The following KIFAP3 variants were observed in gnomAD, a reference collection of about 807,000 sequenced individuals.
KIFAP3 encodes kinesin associated protein 3.
Under a neutral mutation model 106.5 loss-of-function variants are expected in KIFAP3, and 68 were observed. The observed-to-expected ratio is 0.64, with a 90% CI of 0.53 to 0.78. The LOEUF (loss-of-function observed/expected upper bound fraction) is 0.78. Among genes scored for constraint, KIFAP3 ranks in the 30% least tolerant of loss-of-function variants. KIFAP3 has a pLI of 0.00. For synonymous variants in KIFAP3, 320 were observed against 311.5 expected, an observed-to-expected ratio of 1.03 and a Z score of -0.29; for missense variants, 780 against 941.8, an observed-to-expected ratio of 0.83 and a Z score of 2.25.
intron 1 of KIFAP3, among the ~76,000 whole-genome samples, chr1:170,072,790 A>G (rs1671764215): frequency 2.6e-5 from 4 of 152,220 alleles, no homozygotes; most frequent in African/African-American, 9.6e-5. Context: ...AGGCCTGTAT[A>G]AATACATGTC....
chr1:170,021,434 G>GTTTTTTT (rs746455008), intron 9 of KIFAP3, among the ~76,000 whole-genome samples: 7 of 113,764 alleles, frequency 6.2e-5, no homozygotes, highest in Non-Finnish European at 1.1e-4. Context: ...TTGTTATTAA[G>GTTTTTTT]TTTTTTTTTT....
At chr1:170,074,874 A>C, upstream of KIFAP3, 2 of 498,126 alleles carry the variant, frequency 4.0e-6, no homozygotes, top group Non-Finnish European at 5.6e-6. Context: ...GAGGATGGGA[A>C]TAGAAAGGGC....
intron 8 of KIFAP3, among the ~76,000 whole-genome samples, chr1:170,027,706 G>A (rs553514578): frequency 3.6e-4 from 55 of 152,138 alleles, no homozygotes; most frequent in African/African-American, 1.3e-3. Context: ...GAACAACTTC[G>A]AGTGGCCTAA....
At chr1:170,028,112 ATAAT>A (rs910586136) in intron 8 of KIFAP3, among the ~76,000 whole-genome samples, 1 of 152,132 alleles carries the variant, frequency 6.6e-6, no homozygotes, top group African/African-American at 2.4e-5. Context: ...CACACAAAAG[ATAAT>A]TAACCACTGG....
intron 17 of KIFAP3, among the ~76,000 whole-genome samples, chr1:169,969,789 T>C (rs1243222005): frequency 2.0e-5 from 3 of 152,010 alleles, no homozygotes; most frequent in African/African-American, 7.2e-5. Context: ...GTAGTAGTAC[T>C]GCTTCTGGAA....
chr1:169,975,962 G>A (rs752180932), intron 16 of KIFAP3, among the ~76,000 whole-genome samples: 29 of 152,072 alleles, frequency 1.9e-4, no homozygotes, highest in Non-Finnish European at 4.0e-4. Context: ...CAGATTTAGT[G>A]ACATAAAACA....
At chr1:169,989,682 C>G (rs1439091597) in intron 11 of KIFAP3, among the ~76,000 whole-genome samples, 3 of 152,004 alleles carry the variant, frequency 2.0e-5, no homozygotes, top group Non-Finnish European at 2.9e-5. Flanking sequence ...GCTGTATATT[C>G]TTTCAGGGAT....
chr1:170,052,815 A>G (rs780908534), intron 2 of KIFAP3, among the ~76,000 whole-genome samples: 3 of 152,230 alleles, frequency 2.0e-5, no homozygotes, highest in Non-Finnish European at 4.4e-5. Flanking sequence ...AAAACTCTCA[A>G]TAAACTAGGT....
chr1:170,044,141 T>C (rs959868439), intron 3 of KIFAP3, among the ~76,000 whole-genome samples: 2 of 152,134 alleles, frequency 1.3e-5, no homozygotes, highest in African/African-American at 4.8e-5. Flanking sequence ...TAAGGGTGGA[T>C]AGGATTATCA....
At chr1:170,082,525 T>C (rs1267611804) in intron 1 of KIFAP3, among the ~76,000 whole-genome samples, 1 of 152,264 alleles carries the variant, frequency 6.6e-6, no homozygotes, top group African/African-American at 2.4e-5. Flanking sequence ...ATACTTGCAT[T>C]CATTTTATTG....
intron 1 of KIFAP3, among the ~76,000 whole-genome samples, chr1:170,074,028 C>T (rs961446228): frequency 6.6e-6 from 1 of 152,116 alleles, no homozygotes; most frequent in African/African-American, 2.4e-5. Flanking sequence ...TGGCAATGAA[C>T]CCCAAACTGA....
At chr1:170,008,834 C>T (rs890928361) in intron 10 of KIFAP3, among the ~76,000 whole-genome samples, 8 of 152,178 alleles carry the variant, frequency 5.3e-5, no homozygotes, top group Non-Finnish European at 8.8e-5. Flanking sequence ...TTTACTGCAG[C>T]ACCATTCACA....
intron 1 of KIFAP3, among the ~76,000 whole-genome samples, chr1:170,065,599 G>C (rs1671401031): frequency 9.3e-6 from 1 of 107,454 alleles, no homozygotes; most frequent in Non-Finnish European, 1.7e-5. Flanking sequence ...GGGCGACAGA[G>C]CAAGACTCCA....
chr1:170,049,871 A>T (rs1670483836), intron 2 of KIFAP3, among the ~76,000 whole-genome samples: 2 of 152,022 alleles, frequency 1.3e-5, no homozygotes, highest in Non-Finnish European at 2.9e-5. Context: ...GGATAAATCC[A>T]TGAAAATGAG....
At chr1:169,972,733 T>C (rs1487924642) in intron 16 of KIFAP3, 135 bp from the exon 17 acceptor site, 4 of 509,428 alleles carry the variant, frequency 7.9e-6, no homozygotes, top group Admixed American at 7.7e-5. Context: ...AAATCATTAA[T>C]ACAAGATGAC....
At chr1:170,047,608 G>A (rs375907096) in intron 2 of KIFAP3, among the ~76,000 whole-genome samples, 124 of 130,478 alleles carry the variant, frequency 9.5e-4, no homozygotes, top group African/African-American at 3.5e-3. Flanking sequence ...GTGACAGGGC[G>A]AGGCTCTGTC....
intron 19 of KIFAP3, among the ~76,000 whole-genome samples, chr1:169,948,244 T>G (rs1247166862): frequency 6.6e-6 from 1 of 151,930 alleles, no homozygotes; most frequent in African/African-American, 2.4e-5. Context: ...TGTGTGGGTA[T>G]TAGCACTAGA....
At chr1:170,063,613 G>T (rs1207240768) in intron 1 of KIFAP3, among the ~76,000 whole-genome samples, 3 of 152,150 alleles carry the variant, frequency 2.0e-5, no homozygotes, top group African/African-American at 7.2e-5. Flanking sequence ...CGCTGTCACA[G>T]TGAGTTGTTT....
At chr1:170,066,490 G>GT (rs1273381868) in intron 1 of KIFAP3, among the ~76,000 whole-genome samples, 1 of 152,108 alleles carries the variant, frequency 6.6e-6, no homozygotes, top group African/African-American at 2.4e-5. Flanking sequence ...ACGTATGTGT[G>GT]TATCTGTTTG....
Sources: allele counts gnomAD v4.1 joint callset (sites outside exome capture counted in the v4.1 genomes callset), GRCh38; gene constraint gnomAD v4.1.1; transcripts MANE v1.5; gene names NCBI Gene and HGNC (gene_info 2026-07-23, HGNC 2026-07-21).